Variants in DOCK1 observed in about 807,000 individuals in gnomAD.
DOCK1 encodes dedicator of cytokinesis protein 1.
DOCK1 carries 138 observed loss-of-function variants against 262.7 expected under a neutral mutation model. The ratio of observed to expected loss-of-function variants is 0.53; its 90% confidence interval spans 0.46 to 0.61. The LOEUF is 0.61. Ranked by LOEUF, DOCK1 falls within the 20% of genes least tolerant of loss-of-function variation. The pLI, the probability that DOCK1 is intolerant of heterozygous loss-of-function variation, is 0.00. For synonymous variants in DOCK1, 866 were observed against 867.4 expected (o/e 1.00, Z 0.03); for missense variants, 1,908 against 2,370.7 (o/e 0.80, Z 4.05).
chr10:127,250,477 A>G (rs918625807), intron 28 of DOCK1, among the ~76,000 whole-genome samples: 1 of 152,130 alleles, frequency 6.6e-6, no homozygotes, highest in African/African-American at 2.4e-5. Flanking sequence ...AATGATTTGT[A>G]GACAATTTGA....
chr10:127,317,465 GTCTTGCTCT>G (rs2062333892), intron 29 of DOCK1, among the ~76,000 whole-genome samples: 1 of 152,190 alleles, frequency 6.6e-6, no homozygotes, highest in Non-Finnish European at 1.5e-5. Context: ...GAGTCCAGCT[GTCTTGCTCT>G]TCATGCTGGG....
At chr10:127,017,500 G>GACACAC (rs139215919) in intron 12 of DOCK1, among the ~76,000 whole-genome samples, 1 of 150,188 alleles carries the variant, frequency 6.7e-6, no homozygotes, top group African/African-American at 2.5e-5. Context: ...GATACACAGA[G>GACACAC]ACACACACAG....
In DOCK1 at chr10:127,404,375, G is replaced by C. The variant is rs745390687; in HGVS notation, c.4068G>C (p.Lys1356Asn). The change falls in exon 40 of 52, where the codon AAG (lysine) becomes AAC (asparagine). Residue 1356 changes from lysine (K) to asparagine (N), a missense_variant. Coordinates refer to ENST00000623213, the MANE Select transcript of DOCK1 (RefSeq NM_001290223.2). ...YENIVKVIRP[K>N]PDYFAVGYYG... ...ACATCGTCAAAGTGATCAGGCCCAA[G>C]CCTGACTATTTTGCTGTTGGCTACT... 6.2e-7 allele frequency: 1 copy of C among 1,613,948 alleles called. No homozygotes were observed. The highest frequency in any genetic ancestry group is 1.7e-5 in the Admixed American group (1 of 60,012).
rs746260898 is a variant in DOCK1, at chr10:127,433,352, T to G, written c.4984T>G (p.Ser1662Ala). ...SMVRSFTMPSSSRPLSVASVS... is the reference protein window; with the variant it reads ...SMVRSFTMPSASRPLSVASVS... ...GGTGCGGTCCTTCACGATGCCTTCC[T>G]CATCCCGCCCTCTGTCTGTGGCCTC... The change falls in exon 48 of 52, where the codon TCA becomes GCA. Residue 1662 changes from serine (S) to alanine (A), a missense_variant. Physicochemically the swap from Ser to Ala is moderately conservative, Grantham distance 99. Transcript: ENST00000623213. 13 of 1,614,020 alleles carry G rather than the reference T, an allele frequency of 8.1e-6. No individual in the cohort carries two copies. The highest frequency in any genetic ancestry group is 6.7e-5 in the Admixed American group (4 of 60,022).
intron 13 of DOCK1, among the ~76,000 whole-genome samples, chr10:127,022,845 C>A (rs1318405461): frequency 6.6e-6 from 1 of 152,158 alleles, no homozygotes; most frequent in Non-Finnish European, 1.5e-5. Context: ...CCGTAGCCAG[C>A]CGTCTAACAA....
Position 127,362,142 on chromosome 10 carries a change from G to A in DOCK1, c.3362G>A (p.Arg1121His), listed in dbSNP as rs543711382. The A allele has an allele frequency of 2.6e-5, 42 of 1,613,708 alleles. No individual in the cohort carries two copies. Among genetic ancestry groups the A allele is most frequent in the Admixed American group, 3.3e-5 (2 of 59,964 alleles). ...EMTLIPETEL[R>H]KATIPIFFDM... is the part of the protein sequence containing the mutation. Reference sequence around the variant, plus strand: ...ACATTAATTCCCGAGACGGAGCTGCGCAAAGCCACCATCCCCATCTTCTTT... The same window carrying A: ...ACATTAATTCCCGAGACGGAGCTGCACAAAGCCACCATCCCCATCTTCTTT... The change falls in exon 33 of 52, where the codon CGC becomes CAC. Residue 1121 changes from arginine to histidine, a missense_variant. Around this residue, in one of 9 missense-constraint regions of DOCK1, gnomAD observed 518 missense variants for 575.1 expected, o/e 0.90. Transcript: ENST00000623213.
chr10:126,967,032 G>C (rs2037727303), intron 1 of DOCK1, among the ~76,000 whole-genome samples: 1 of 152,186 alleles, frequency 6.6e-6, no homozygotes, highest in African/African-American at 2.4e-5. Flanking sequence ...CCACCACCCA[G>C]AGGGAGGCTG....
At chr10:127,023,367 A>G (rs1011523153) in intron 14 of DOCK1, 43 bp downstream of exon 14, 16 of 1,609,786 alleles carry the variant, frequency 9.9e-6, no homozygotes, top group Middle Eastern at 1.6e-4. Flanking sequence ...TTTCAGTTTT[A>G]CTTGCCAAGT....
At chr10:127,156,572 T>TTC (rs1208060868) in intron 27 of DOCK1, among the ~76,000 whole-genome samples, 4 of 140,540 alleles carry the variant, frequency 2.8e-5, no homozygotes, top group African/African-American at 7.9e-5. Flanking sequence ...CTTTTTTTTT[T>TTC]TTTTTTTTTT....
chr10:126,963,628 C>CCCCT (rs2037421441), intron 1 of DOCK1, among the ~76,000 whole-genome samples: 5 of 62,568 alleles, frequency 8.0e-5, no homozygotes, highest in African/African-American at 9.8e-5. Flanking sequence ...CCCTTCCCTT[C>CCCCT]CCTTCCCTTC....
intron 29 of DOCK1, among the ~76,000 whole-genome samples, chr10:127,298,354 G>A (rs1001205752): frequency 1.3e-5 from 2 of 152,190 alleles, no homozygotes; most frequent in Admixed American, 1.3e-4. Flanking sequence ...AGTGATAATT[G>A]TAGCAGAGGG....
intron 4 of DOCK1, among the ~76,000 whole-genome samples, chr10:126,984,961 C>T (rs536983152): frequency 6.6e-4 from 100 of 150,762 alleles, no homozygotes; most frequent in Middle Eastern, 3.4e-3. Flanking sequence ...TCCCCACTCC[C>T]CTATGTCCCA....
chr10:127,386,240 G>A (rs1590823322), intron 38 of DOCK1, among the ~76,000 whole-genome samples: 2 of 152,244 alleles, frequency 1.3e-5, no homozygotes, highest in African/African-American at 4.8e-5. Flanking sequence ...TTTCAGAATG[G>A]CATGTGGGCT....
chr10:126,945,089 G>A (rs2035292483), intron 1 of DOCK1, among the ~76,000 whole-genome samples: 1 of 152,066 alleles, frequency 6.6e-6, no homozygotes, highest in Non-Finnish European at 1.5e-5. Flanking sequence ...CGCCTGCCTC[G>A]GCCTCCCAAA....
intron 25 of DOCK1, among the ~76,000 whole-genome samples, chr10:127,123,283 T>G (rs200088112): frequency 6.4e-4 from 4 of 6,272 alleles, no homozygotes. Flanking sequence ...ATTCAGCTTG[T>G]TTTCCAGAAT....
chr10:127,051,394 T>G (rs2135727365), intron 21 of DOCK1, among the ~76,000 whole-genome samples: 1 of 152,310 alleles, frequency 6.6e-6, no homozygotes, highest in East Asian at 1.9e-4. Context: ...TATTAAAAAT[T>G]TAAGACTGCT....
At chr10:127,008,238 C>G (rs192618766) in intron 10 of DOCK1, among the ~76,000 whole-genome samples, 1 of 152,198 alleles carries the variant, frequency 6.6e-6, no homozygotes, top group African/African-American at 2.4e-5. Flanking sequence ...GCTGGGACTA[C>G]AGGTGCACAC....
At chr10:127,019,351 A>C (rs554062236) in intron 13 of DOCK1, among the ~76,000 whole-genome samples, 1 of 152,320 alleles carries the variant, frequency 6.6e-6, no homozygotes, top group East Asian at 1.9e-4. Context: ...TTCATTTTCC[A>C]AATAACGTTC....
Position 127,012,648 on chromosome 10 carries a change from G to GT in DOCK1, c.1201+275dup, listed in dbSNP as rs1422156470. Reference sequence around the variant, plus strand: ...TTAGAGGAACATGCAGGCGGTAGGCGTAACTCCCTCTGCCCGTGTTGTGTG... The same window carrying GT: ...TTAGAGGAACATGCAGGCGGTAGGCGTTAACTCCCTCTGCCCGTGTTGTGTG... On this transcript the variant is annotated intron_variant, in intron 12 of 51. Coordinates refer to ENST00000623213, the MANE Select transcript of DOCK1 (RefSeq NM_001290223.2). The surrounding 1 kb of genome is among the most constrained non-coding windows in gnomAD (Gnocchi z 4.0). 6.6e-6 allele frequency among the ~76,000 whole-genome samples: 1 copy of GT among 152,164 alleles called. No individual in the cohort carries two copies. The highest frequency in any genetic ancestry group is 1.9e-4 in the East Asian group (1 of 5,196).
Sources: allele counts gnomAD v4.1 joint callset (sites outside exome capture counted in the v4.1 genomes callset), GRCh38; gene constraint gnomAD v4.1.1; regional missense constraint gnomAD v4.1.1; non-coding constraint Gnocchi (gnomAD v3.1); transcripts MANE v1.5; gene names NCBI Gene and HGNC (gene_info 2026-07-23, HGNC 2026-07-21).